PDCD4: variants seen among roughly 807,000 people sequenced by gnomAD.
The protein encoded by PDCD4 is programmed cell death protein 4.
Under a neutral mutation model 54.0 loss-of-function variants are expected in PDCD4, and 56 were observed. The observed-to-expected ratio is 1.04, with a 90% CI of 0.84 to 1.30. PDCD4 has a LOEUF of 1.30. Among genes scored for constraint, PDCD4 ranks in the 50% most tolerant of loss-of-function variants. The pLI is 0.00. For synonymous variants in PDCD4, 186 were observed against 194.8 expected (o/e 0.95, Z 0.37); for missense variants, 584 against 559.8 (o/e 1.04, Z -0.44).
At chr10:110,886,257 C>T (rs1845668130) in intron 5 of PDCD4, among the ~76,000 whole-genome samples, 1 of 152,174 alleles carries the variant, frequency 6.6e-6, no homozygotes, top group Non-Finnish European at 1.5e-5. Flanking sequence ...TCTTGTTAAT[C>T]TACCTAGCAT....
intron 4 of PDCD4, among the ~76,000 whole-genome samples, chr10:110,883,627 A>G (rs1029577646): frequency 6.6e-6 from 1 of 152,132 alleles, no homozygotes; most frequent in African/African-American, 2.4e-5. Context: ...TTACAAACTC[A>G]TAGGCAGTCT....
Position 110,885,252 on chromosome 10 carries a change from G to A in PDCD4, c.442-1G>A. The A allele has an allele frequency of 6.9e-7, 1 of 1,448,464 alleles. No individual in the cohort carries two copies. The highest frequency in any genetic ancestry group is 9.6e-7 in the Non-Finnish European group (1 of 1,038,540). 89.7% of individuals were successfully genotyped at this position (1,448,464 alleles called of 1,614,324 possible). A position where few individuals can be genotyped will look rare whatever the true frequency, so the allele number is the denominator to read the frequency against. ...ACTCTTACTCCCTTTTCCCCTCAAA[G>A]GAGAACTGTGTTTATGAAACTGTAG... On this transcript the variant is annotated splice_acceptor_variant, in intron 4 of 11. Transcript: ENST00000280154. LOFTEE classifies it high-confidence loss of function.
rs532647939 is a variant in PDCD4 at position 110,899,490 on chromosome 10, A to G, written c.*1402A>G. ...AGCTTAGCTGACTACAGAATAGGTG[A>G]GGGTTTCTTAAAAATGAGATTTAAG... On this transcript the variant is annotated 3_prime_UTR_variant, in exon 12 of 12. Transcript: ENST00000280154. 68 of 152,298 alleles carry G rather than the reference A, an allele frequency of 4.5e-4. No individual in the cohort carries two copies. The highest frequency in any genetic ancestry group is 4.3e-3 in the Admixed American group (66 of 15,306). The allele number at this position is 152,298 out of a possible 1,614,324, so 9.4% of individuals were successfully genotyped here. A position where few individuals can be genotyped will look rare whatever the true frequency, so the allele number is the denominator to read the frequency against.
rs1480724412 is a variant in PDCD4, at chr10:110,889,595, T to C, written c.840T>C (p.Asp280=). ...GDGILCNTYI[D]SYKGTVDCVQ... ...GAATTTTATGTAATACCTATATTGATAGTTACAAAGGAACTGTAGATTGTG... is the reference window on the plus strand; with the variant it reads ...GAATTTTATGTAATACCTATATTGACAGTTACAAAGGAACTGTAGATTGTG... The change falls in exon 7 of 12, where the codon GAT becomes GAC. Residue 280 remains aspartate, a synonymous_variant. Coordinates refer to ENST00000280154, the MANE Select transcript of PDCD4 (RefSeq NM_014456.5). 1 of 1,606,074 alleles carries C rather than the reference T, an allele frequency of 6.2e-7. No homozygotes were observed. The highest frequency in any genetic ancestry group is 2.2e-5 in the East Asian group (1 of 44,738).
chr10:110,883,279 G>C (rs11195365), intron 4 of PDCD4, among the ~76,000 whole-genome samples, 182 bp downstream of exon 4: 8,179 of 152,138 alleles, frequency 0.054, 294 homozygotes, highest in Non-Finnish European at 0.083. Context: ...GTCAAAAATA[G>C]CTCTTTAGAA....
At chr10:110,872,362 T>TC (rs887719644) in intron 1 of PDCD4, 5 of 151,962 alleles carry the variant, frequency 3.3e-5, no homozygotes, top group South Asian at 2.1e-4. Context: ...TCAGCCCTCC[T>TC]CCCCCTCTGG....
In PDCD4 at chr10:110,882,861, T is replaced by A. The variant is rs1372433711; in HGVS notation, c.347-142T>A. On this transcript the variant is annotated intron_variant, in intron 3 of 11. Coordinates refer to ENST00000280154, the MANE Select transcript of PDCD4 (RefSeq NM_014456.5). ...AAAGAGTGGTCTGAACAAAAACCAGTAGGGGAAGAAAACTGGAAAAAAACT... is the reference window on the plus strand; with the variant it reads ...AAAGAGTGGTCTGAACAAAAACCAGAAGGGGAAGAAAACTGGAAAAAAACT... The A allele has an allele frequency of 5.1e-6, 3 of 589,398 alleles. No homozygotes were observed. In the African/African-American group the frequency reaches 5.9e-5, roughly 12 times the overall value. 36.5% of individuals were successfully genotyped at this position (589,398 alleles called of 1,614,324 possible). A position where few individuals can be genotyped will look rare whatever the true frequency, so the allele number is the denominator to read the frequency against.
At chr10:110,882,076 A>C (rs947260136) in intron 3 of PDCD4, among the ~76,000 whole-genome samples, 1 of 152,166 alleles carries the variant, frequency 6.6e-6, no homozygotes, top group Non-Finnish European at 1.5e-5. Flanking sequence ...ATATTTGTTG[A>C]ATAAGAGTTT....
In PDCD4 at chr10:110,898,081, G is replaced by C. The variant is rs2134009934; in HGVS notation, c.1403G>C (p.Ser468Thr). The C allele has an allele frequency of 6.4e-7, 1 of 1,572,720 alleles. No homozygotes were observed. The highest frequency in any genetic ancestry group is 8.7e-7 in the Non-Finnish European group (1 of 1,155,160). Reference protein sequence around the residue: ...EGDGGRLKPESY With the variant: ...EGDGGRLKPETY The stretch of plus-strand genomic sequence containing the variant: ...GATGGAGGTCGTCTTAAACCAGAGA[G>C]CTACTGAATATAAGAACTCTTGCAG... Residue 468 changes from serine to threonine, a missense_variant, in exon 12 of 12, where the codon AGC (serine) becomes ACC (threonine). Physicochemically the swap from Ser to Thr is moderately conservative, Grantham distance 58. Coordinates refer to ENST00000280154, the MANE Select transcript of PDCD4 (RefSeq NM_014456.5).
rs1845890064 is a variant in PDCD4, at chr10:110,898,681, T to A, written c.*593T>A. Reference sequence around the variant, plus strand: ...TGGAACATCTATTTTTCTACAAAACTGGAAAAATGAACCTGGTTCTAGAAG... The same window carrying A: ...TGGAACATCTATTTTTCTACAAAACAGGAAAAATGAACCTGGTTCTAGAAG... On this transcript the variant is annotated 3_prime_UTR_variant, in exon 12 of 12. Transcript: ENST00000280154. 1 of 152,618 alleles carries A rather than the reference T, an allele frequency of 6.6e-6. No homozygotes were observed. Among genetic ancestry groups the A allele is most frequent in the African/African-American group, 2.4e-5 (1 of 41,458 alleles). The allele number at this position is 152,618 out of a possible 1,614,324, so 9.5% of individuals were successfully genotyped here.
chr10:110,875,176 CTAAGT>C (rs929635530), intron 1 of PDCD4, among the ~76,000 whole-genome samples: 2 of 152,060 alleles, frequency 1.3e-5, no homozygotes, highest in African/African-American at 4.8e-5. Flanking sequence ...ATCTGTATCA[CTAAGT>C]TAATTGTCTA....
chr10:110,884,046 C>A (rs1226387160), intron 4 of PDCD4, among the ~76,000 whole-genome samples: 1 of 152,126 alleles, frequency 6.6e-6, no homozygotes, highest in African/African-American at 2.4e-5. Flanking sequence ...TTTCAGTTAC[C>A]CATGGTCCAA....
chr10:110,897,214 T>C (rs544093482), intron 11 of PDCD4, among the ~76,000 whole-genome samples: 1 of 152,332 alleles, frequency 6.6e-6, no homozygotes, highest in Admixed American at 6.5e-5. Flanking sequence ...TGATTGTTTC[T>C]GTGTGGCTTT....
At position 110,890,648 on chromosome 10, in the gene PDCD4, C is replaced by G. The variant is rs376398898; in HGVS notation, c.968C>G (p.Ser323Cys). 1 of 1,607,660 alleles carries G rather than the reference C, an allele frequency of 6.2e-7. No individual in the cohort carries two copies. The highest frequency in any genetic ancestry group is 8.5e-7 in the Non-Finnish European group (1 of 1,174,512). The change falls in exon 8 of 12, where the codon TCT (serine) becomes TGT (cysteine). Residue 323 changes from serine (S) to cysteine (C), a missense_variant. Transcript: ENST00000280154. ...TGGGGCTCTGGAGGTGGGCAGCAAT[C>G]TGTCAATCACCTTGTTAAAGAGGTA... ...SVWGSGGGQQ[S>C]VNHLVKEIDM... is the part of the protein sequence containing the mutation.
intron 11 of PDCD4, among the ~76,000 whole-genome samples, chr10:110,897,725 A>T (rs926181806): frequency 6.6e-6 from 1 of 152,152 alleles, no homozygotes; most frequent in Admixed American, 6.5e-5. Context: ...TTAGAAATTA[A>T]TTAGAAATAA....
In PDCD4 at chr10:110,885,348, A is replaced by C. The variant is rs760382206; in HGVS notation, c.537A>C (p.Gly179=). The C allele has an allele frequency of 1.3e-6, 2 of 1,556,216 alleles. No homozygotes were observed. The highest frequency in any genetic ancestry group is 1.8e-6 in the Non-Finnish European group (2 of 1,132,432). Residue 179 remains glycine, a synonymous_variant, in exon 5 of 12, where the codon GGA becomes GGC. Coordinates refer to ENST00000280154, the MANE Select transcript of PDCD4 (RefSeq NM_014456.5). Reference sequence around the variant, plus strand: ...TCATACAGGAATATTTTGAGCATGGAGATACTAATGAAGTTGCGGTAGGTT... The same window carrying C: ...TCATACAGGAATATTTTGAGCATGGCGATACTAATGAAGTTGCGGTAGGTT... ...TPIIQEYFEH[G]DTNEVAEMLR...
chr10:110,886,128 C>T (rs1432221384), intron 5 of PDCD4, among the ~76,000 whole-genome samples: 1 of 151,988 alleles, frequency 6.6e-6, no homozygotes, highest in Non-Finnish European at 1.5e-5. Flanking sequence ...TGATTCTTGC[C>T]CTTTTGAAGC....
At chr10:110,890,758 CA>C in intron 8 of PDCD4, 88 bp downstream of exon 8, 1 of 706,132 alleles carries the variant, frequency 1.4e-6, no homozygotes, top group Non-Finnish European at 2.2e-6. Context: ...TTTTTATGGA[CA>C]AAAATTAAGT....
intron 10 of PDCD4, among the ~76,000 whole-genome samples, chr10:110,895,619 G>C (rs1045587525): frequency 6.6e-6 from 1 of 152,092 alleles, no homozygotes; most frequent in Non-Finnish European, 1.5e-5. Context: ...CGGGTTGAAC[G>C]GTAATTCTAT....
Sources: allele counts gnomAD v4.1 joint callset (sites outside exome capture counted in the v4.1 genomes callset), GRCh38; gene constraint gnomAD v4.1.1; transcripts MANE v1.5; gene names NCBI Gene and HGNC (gene_info 2026-07-23, HGNC 2026-07-21).